The following SLC39A12 variants were observed in gnomAD, a reference collection of about 807,000 sequenced individuals.
The protein encoded by SLC39A12 is zinc transporter ZIP12.
Under a neutral mutation model 71.1 loss-of-function variants are expected in SLC39A12, and 63 were observed. That is an observed-to-expected ratio of 0.89 (90% CI 0.72 to 1.09). SLC39A12 has a LOEUF of 1.09. SLC39A12 is among the 50% of genes least tolerant of loss of function. The probability of loss-of-function intolerance (pLI) is 0.00; values close to 1 mark genes in which losing one functional copy is unlikely to be tolerated. For missense variants in SLC39A12, 892 were observed against 812.6 expected (o/e 1.10, Z -1.19); for synonymous variants, 351 against 301.3 (o/e 1.16, Z -1.71).
chr10:18,022,206 C>T (rs1836551852), intron 12 of SLC39A12, among the ~76,000 whole-genome samples: 1 of 152,140 alleles, frequency 6.6e-6, no homozygotes, highest in South Asian at 2.1e-4. Flanking sequence ...GGACAGTATC[C>T]TCAAATATGT....
At chr10:17,987,060 G>A (rs1835417129) in intron 6 of SLC39A12, among the ~76,000 whole-genome samples, 1 of 152,080 alleles carries the variant, frequency 6.6e-6, no homozygotes, top group South Asian at 2.1e-4. Flanking sequence ...GGGGGCAGTG[G>A]GCTTACAACT....
chr10:18,000,347 A>G (rs1589239992), intron 10 of SLC39A12, among the ~76,000 whole-genome samples: 1 of 152,240 alleles, frequency 6.6e-6, no homozygotes, highest in Non-Finnish European at 1.5e-5. Context: ...CGGGAAGGTC[A>G]TCAGTGGTAC....
intron 6 of SLC39A12, among the ~76,000 whole-genome samples, chr10:17,983,975 C>T (rs532466464): frequency 3.3e-5 from 5 of 152,284 alleles, no homozygotes; most frequent in African/African-American, 9.6e-5. Context: ...GAAACTCAAC[C>T]GCTAAGCACC....
rs1835809960 is a variant in SLC39A12, at chr10:18,000,727, C to T, written c.1661C>T (p.Ala554Val). The T allele has an allele frequency of 2.5e-6, 4 of 1,614,122 alleles. No individual in the cohort carries two copies. The highest frequency in any genetic ancestry group is 3.4e-6 in the Non-Finnish European group (4 of 1,179,992). ...ILVGDSLHNF[A>V]DGLAIGAAFS... ...GTTGGGGACAGCCTGCATAATTTTG[C>T]AGATGGCCTAGCCATAGGAGCAGCC... Residue 554 changes from alanine (A) to valine (V), a missense_variant, in exon 11 of 13, where the codon GCA (alanine) becomes GTA (valine). Ala to Val is a moderately conservative substitution (Grantham distance 64). Coordinates refer to ENST00000377369, the MANE Select transcript of SLC39A12 (RefSeq NM_001145195.2).
intron 4 of SLC39A12, 60 bp from the exon 5 acceptor site, chr10:17,977,842 T>C (rs2130803797): frequency 8.1e-7 from 1 of 1,234,432 alleles, no homozygotes; most frequent in Non-Finnish European, 1.1e-6. Context: ...CTATGTGAAA[T>C]TGTGACTATT....
At chr10:18,039,200 A>G (rs192886449) in intron 12 of SLC39A12, among the ~76,000 whole-genome samples, 43 of 152,318 alleles carry the variant, frequency 2.8e-4, no homozygotes, top group African/African-American at 1.0e-3. Context: ...ATAATTAATA[A>G]TCTTGTTTGA....
intron 12 of SLC39A12, among the ~76,000 whole-genome samples, chr10:18,026,448 A>AT (rs1217886601): frequency 6.7e-6 from 1 of 148,988 alleles, no homozygotes; most frequent in East Asian, 1.9e-4. Flanking sequence ...AAGGTGAGAT[A>AT]TTTTTTTCAT....
intron 12 of SLC39A12, chr10:18,007,206 G>A (rs79880158): frequency 0.045 from 6,831 of 152,324 alleles, 199 homozygotes; most frequent in South Asian, 0.084. Context: ...CTTAGCTCCA[G>A]GCAGCACTTG....
Position 18,003,414 on chromosome 10 carries a change from A to G in SLC39A12, c.1947+56A>G, listed in dbSNP as rs576742801. 2.3e-3 allele frequency: 3,400 copies of G among 1,486,884 alleles called. 44 individuals are homozygous for G. Among genetic ancestry groups the G allele is most frequent in the South Asian group, 0.016 (1,274 of 77,444 alleles). 92.1% of individuals were successfully genotyped at this position (1,486,884 alleles called of 1,614,324 possible). On this transcript the variant is annotated intron_variant, in intron 12 of 12. Transcript: ENST00000377369. ...TCTAAGCACTGAAAATGTAAAACAG[A>G]GAAAAAAAACAGTAAAAATGGAAGG... is the stretch of plus-strand genomic sequence containing the variant.
chr10:18,033,397 G>A (rs1406665747), intron 12 of SLC39A12, among the ~76,000 whole-genome samples: 1 of 148,216 alleles, frequency 6.7e-6, no homozygotes, highest in African/African-American at 2.6e-5. Flanking sequence ...ATGTGTCGAG[G>A]AATTTATCCA....
At chr10:17,976,823 A>G (rs1024579317) in intron 4 of SLC39A12, among the ~76,000 whole-genome samples, 6 of 152,154 alleles carry the variant, frequency 3.9e-5, no homozygotes, top group African/African-American at 9.7e-5. Context: ...TGCTTCTTGA[A>G]CACGTATGTT....
intron 12 of SLC39A12, among the ~76,000 whole-genome samples, chr10:18,015,046 G>A (rs1836337801): frequency 4.6e-5 from 7 of 152,160 alleles, no homozygotes; most frequent in Admixed American, 4.6e-4. Context: ...GCACTTTTTG[G>A]ATTTGTAAAG....
intron 4 of SLC39A12, among the ~76,000 whole-genome samples, chr10:17,977,551 T>G (rs1237899987): frequency 1.3e-5 from 2 of 152,244 alleles, no homozygotes; most frequent in Non-Finnish European, 2.9e-5. Flanking sequence ...TAGAATCTTA[T>G]CTCCCTTTCA....
intron 12 of SLC39A12, among the ~76,000 whole-genome samples, chr10:18,018,053 T>C (rs1836432383): frequency 2.0e-5 from 3 of 152,208 alleles, no homozygotes; most frequent in Admixed American, 6.5e-5. Context: ...TCTTTTGATA[T>C]CATTTGTCAG....
Position 17,953,538 on chromosome 10 carries a change from G to C in SLC39A12, c.261+1G>C. The C allele has an allele frequency of 3.7e-6, 6 of 1,613,986 alleles. No individual in the cohort carries two copies. The highest frequency in any genetic ancestry group is 5.1e-6 in the Non-Finnish European group (6 of 1,179,922). The stretch of plus-strand genomic sequence containing the variant: ...CGGAATGCAAGGAGATTGCAATCTG[G>C]TTAGTGAAATAGAATGGGGTCAGGT... On this transcript the variant is annotated splice_donor_variant, in intron 2 of 12. Coordinates refer to ENST00000377369, the MANE Select transcript of SLC39A12 (RefSeq NM_001145195.2). LOFTEE classifies it high-confidence loss of function.
rs1169902566 is a variant in SLC39A12 at position 17,993,334 on chromosome 10, C to G, written c.1533+43C>G. 4 of 1,277,940 alleles carry G rather than the reference C, an allele frequency of 3.1e-6. No individual in the cohort carries two copies. The East Asian group carries it at 1.0e-4, about 33-fold the overall frequency. The allele number at this position is 1,277,940 out of a possible 1,614,324, so 79.2% of individuals were successfully genotyped here. A position where few individuals can be genotyped will look rare whatever the true frequency, so the allele number is the denominator to read the frequency against. On this transcript the variant is annotated intron_variant, in intron 9 of 12. Transcript: ENST00000377369. Reference sequence around the variant, plus strand: ...AGCATTCTACTGATCTGATTACCTTCTCTCCTTTATTCCTCAATGAACAAA... The same window carrying G: ...AGCATTCTACTGATCTGATTACCTTGTCTCCTTTATTCCTCAATGAACAAA...
At chr10:18,014,955 A>C (rs1210216364) in intron 12 of SLC39A12, among the ~76,000 whole-genome samples, 1 of 152,164 alleles carries the variant, frequency 6.6e-6, no homozygotes, top group Non-Finnish European at 1.5e-5. Context: ...AGTGTGATTG[A>C]CTTCATGGTA....
chr10:18,040,617 A>T (rs1190336376), intron 12 of SLC39A12, among the ~76,000 whole-genome samples: 7 of 151,996 alleles, frequency 4.6e-5, no homozygotes, highest in Admixed American at 1.3e-4. Flanking sequence ...TAAAAATACA[A>T]AATTAGCCAA....
chr10:17,991,278 T>C lies in SLC39A12; in HGVS notation c.1397T>C (p.Ile466Thr), dbSNP rs757715925. Reference protein sequence around the residue: ...HGFFLIEKCFILLVSPNDKQG... With the variant: ...HGFFLIEKCFTLLVSPNDKQG... Reference sequence around the variant, plus strand: ...TTTTTCTTGATAGAAAAATGTTTTATTCTTCTTGTATCACCAAATGACAAG... The same window carrying C: ...TTTTTCTTGATAGAAAAATGTTTTACTCTTCTTGTATCACCAAATGACAAG... Residue 466 changes from isoleucine (I) to threonine (T), a missense_variant, in exon 8 of 13, where the codon ATT (isoleucine) becomes ACT (threonine). Physicochemically the swap from Ile to Thr is moderately conservative, Grantham distance 89. Coordinates refer to ENST00000377369, the MANE Select transcript of SLC39A12 (RefSeq NM_001145195.2). 1 of 1,595,958 alleles carries C rather than the reference T, an allele frequency of 6.3e-7. No individual in the cohort carries two copies. The highest frequency in any genetic ancestry group is 1.4e-5 in the African/African-American group (1 of 73,982).
Sources: allele counts gnomAD v4.1 joint callset (sites outside exome capture counted in the v4.1 genomes callset), GRCh38; gene constraint gnomAD v4.1.1; transcripts MANE v1.5; gene names NCBI Gene and HGNC (gene_info 2026-07-23, HGNC 2026-07-21).